IL2RB: variants seen among roughly 807,000 people sequenced by gnomAD.
The protein encoded by IL2RB is interleukin-2 receptor subunit beta.
In IL2RB, 17 loss-of-function variants were observed where a neutral mutation model predicts 44.2. That is an observed-to-expected ratio of 0.38 (90% CI 0.26 to 0.58). The LOEUF (loss-of-function observed/expected upper bound fraction) is 0.58, where lower values mean the gene tolerates loss of function less well. IL2RB is among the 20% of genes least tolerant of loss of function. The pLI is 0.63. For synonymous variants in IL2RB, 286 were observed against 297.9 expected, an observed-to-expected ratio of 0.96 and a Z score of 0.41; for missense variants, 624 against 685.5, an observed-to-expected ratio of 0.91 and a Z score of 1.00.
intron 1 of IL2RB, among the ~76,000 whole-genome samples, chr22:37,172,323 G>A (rs746158948): frequency 1.7e-4 from 26 of 151,664 alleles, no homozygotes; most frequent in South Asian, 4.2e-4. Context: ...CTTGGCGCCC[G>A]CTGTGCTTGG....
At chr22:37,174,560 G>A (rs986918367) in intron 1 of IL2RB, among the ~76,000 whole-genome samples, 10 of 152,088 alleles carry the variant, frequency 6.6e-5, no homozygotes, top group East Asian at 1.9e-4. Context: ...AGAACAAACC[G>A]GTTACGTCAT....
In IL2RB at chr22:37,143,589, G is replaced by A. The variant is rs1236972478; in HGVS notation, c.135C>T (p.Ser45=). 1 of 1,614,172 alleles carries A rather than the reference G, an allele frequency of 6.2e-7. No homozygotes were observed. The highest frequency in any genetic ancestry group is 1.1e-5 in the South Asian group (1 of 91,086). The change falls in exon 3 of 10, where the codon TCC becomes TCT. Residue 45 remains serine (S), a synonymous_variant. Coordinates refer to ENST00000216223, the MANE Select transcript of IL2RB (RefSeq NM_000878.5). Reference sequence around the variant, plus strand: ...GAGCCCCATCTTGGCTCCAGACACAGGAGATGTTGGCTCTCGAGTTGTAGA... The same window carrying A: ...GAGCCCCATCTTGGCTCCAGACACAAGAGATGTTGGCTCTCGAGTTGTAGA... ...TCFYNSRANI[S]CVWSQDGALQ... is the part of the protein sequence containing the mutation.
At chr22:37,166,077 G>A (rs1225987373) in intron 1 of IL2RB, among the ~76,000 whole-genome samples, 1 of 152,202 alleles carries the variant, frequency 6.6e-6, no homozygotes, top group Non-Finnish European at 1.5e-5. Flanking sequence ...ATCCAGCTCA[G>A]CTGATAGCTG....
intron 1 of IL2RB, among the ~76,000 whole-genome samples, chr22:37,170,035 G>A (rs1248972053): frequency 2.1e-5 from 3 of 144,286 alleles, no homozygotes; most frequent in Non-Finnish European, 3.0e-5. Context: ...ATGATGGAGG[G>A]AGAGAAGGAA....
At chr22:37,132,607 G>T in intron 8 of IL2RB, 139 bp from the exon 9 acceptor site, 1 of 647,310 alleles carries the variant, frequency 1.5e-6, no homozygotes. Flanking sequence ...GATACTAAGT[G>T]TTCACTGTGG....
chr22:37,135,933 G>A (rs1285039333), intron 7 of IL2RB, among the ~76,000 whole-genome samples: 1 of 152,198 alleles, frequency 6.6e-6, no homozygotes, highest in African/African-American at 2.4e-5. Context: ...CAGGCCGAGA[G>A]GTGAAAGCAG....
intron 4 of IL2RB, among the ~76,000 whole-genome samples, chr22:37,140,796 C>T (rs370611270): frequency 4.6e-5 from 7 of 152,146 alleles, no homozygotes; most frequent in Non-Finnish European, 1.0e-4. Context: ...AAGAGGCAGC[C>T]TAATGCAACG....
At chr22:37,154,701 G>A (rs937070120), upstream of IL2RB, among the ~76,000 whole-genome samples, 1 of 151,564 alleles carries the variant, frequency 6.6e-6, no homozygotes, top group East Asian at 1.9e-4. Flanking sequence ...TCAGCTTCCC[G>A]AGTAGCTGGG....
upstream of IL2RB, chr22:37,149,963 C>A (rs1569049499): frequency 1.0e-6 from 1 of 968,590 alleles, no homozygotes; most frequent in African/African-American, 1.8e-5. Flanking sequence ...AGCCCACTTC[C>A]TGTGCAGAGG....
intron 1 of IL2RB, among the ~76,000 whole-genome samples, chr22:37,167,229 C>CT (rs1923114017): frequency 6.6e-6 from 1 of 152,128 alleles, no homozygotes. Flanking sequence ...TCCTGTATCC[C>CT]TTTCCTCGGC....
intron 1 of IL2RB, among the ~76,000 whole-genome samples, chr22:37,160,065 C>G (rs1475028045): frequency 6.6e-6 from 1 of 152,244 alleles, no homozygotes; most frequent in Admixed American, 6.5e-5. Context: ...GGACAATCAA[C>G]AGTTAGCTAA....
At position 37,128,262 on chromosome 22, in the gene IL2RB, C is replaced by G. The variant is rs1331282886; in HGVS notation, c.1490G>C (p.Gly497Ala). ...GGGGCCAGCGTCAGGGACCTCCTCC[C>G]CAGCCTCTCGCAGCACCAGCTCAGG... ...PPPELVLREA[G>A]EEVPDAGPRE... is the part of the protein sequence containing the mutation. The change falls in exon 10 of 10, where the codon GGG becomes GCG. Residue 497 changes from glycine to alanine, a missense_variant. By Grantham distance (60) the Gly-to-Ala change is moderately conservative. Around this residue, in one of 3 missense-constraint regions of IL2RB, gnomAD observed 291 missense variants for 275.5 expected, o/e 1.06. Transcript: ENST00000216223. The surrounding 1 kb of genome is among the most constrained non-coding windows in gnomAD (Gnocchi z 4.5). The G allele has an allele frequency of 1.3e-6, 2 of 1,498,364 alleles. No individual in the cohort carries two copies. Among genetic ancestry groups the G allele is most frequent in the Admixed American group, 4.8e-5 (2 of 41,628 alleles). 92.8% of individuals were successfully genotyped at this position (1,498,364 alleles called of 1,614,324 possible). A position where few individuals can be genotyped will look rare whatever the true frequency, so the allele number is the denominator to read the frequency against.
At chr22:37,165,775 C>T (rs1020234215) in intron 1 of IL2RB, among the ~76,000 whole-genome samples, 1 of 152,010 alleles carries the variant, frequency 6.6e-6, no homozygotes, top group African/African-American at 2.4e-5. Context: ...CTACCCAGGG[C>T]AAGTGCCAGA....
At position 37,136,389 on chromosome 22, in the gene IL2RB, G is replaced by C. The variant is rs558286731; in HGVS notation, c.542C>G (p.Ala181Gly). 5 of 1,608,118 alleles carry C rather than the reference G, an allele frequency of 3.1e-6. No individual in the cohort carries two copies. In the South Asian group the frequency reaches 5.6e-5, roughly 18 times the overall value. ...CTTCTGCTTGAGAGTCAGCAGGGGG[G>C]CCTCCTGGGTCGGAGACAGGACTGT... Reference protein sequence around the residue: ...TLSPGHTWEEAPLLTLKQKQE... With the variant: ...TLSPGHTWEEGPLLTLKQKQE... Residue 181 changes from alanine (A) to glycine (G), a missense_variant, in exon 7 of 10, where the codon GCC becomes GGC. Around this residue, in one of 3 missense-constraint regions of IL2RB, gnomAD observed 255 missense variants for 339.9 expected, o/e 0.75. Coordinates refer to ENST00000216223, the MANE Select transcript of IL2RB (RefSeq NM_000878.5).
chr22:37,139,008 G>A (rs1028488133), intron 5 of IL2RB, 109 bp downstream of exon 5: 3 of 712,596 alleles, frequency 4.2e-6, no homozygotes, highest in Non-Finnish European at 7.5e-6. Flanking sequence ...ATCAGATGTG[G>A]GTGTGGAAGC....
chr22:37,140,860 C>A (rs550638184), intron 4 of IL2RB, among the ~76,000 whole-genome samples: 1 of 152,166 alleles, frequency 6.6e-6, no homozygotes, highest in Non-Finnish European at 1.5e-5. Context: ...CAGCTGTGTA[C>A]TTCCTGGCTG....
intron 1 of IL2RB, among the ~76,000 whole-genome samples, chr22:37,174,675 G>A (rs1482405932): frequency 2.0e-5 from 3 of 152,148 alleles, no homozygotes; most frequent in African/African-American, 4.8e-5. Context: ...TTTGAACGCT[G>A]TTCTCCCACC....
At chr22:37,159,965 C>T (rs555484526) in intron 1 of IL2RB, among the ~76,000 whole-genome samples, 1 of 152,378 alleles carries the variant, frequency 6.6e-6, no homozygotes, top group South Asian at 2.1e-4. Context: ...AAACATGATT[C>T]TCTTGATATC....
rs749145265 is a variant in IL2RB, at chr22:37,127,907, G to A, written c.*189C>T. 151 of 425,174 alleles carry A rather than the reference G, an allele frequency of 3.6e-4. No individual in the cohort carries two copies. Among genetic ancestry groups the A allele is most frequent in the Non-Finnish European group, 5.5e-4 (134 of 244,966 alleles). The allele number at this position is 425,174 out of a possible 1,614,324, so 26.3% of individuals were successfully genotyped here. A position where few individuals can be genotyped will look rare whatever the true frequency, so the allele number is the denominator to read the frequency against. On this transcript the variant is annotated 3_prime_UTR_variant, in exon 10 of 10. Coordinates refer to ENST00000216223, the MANE Select transcript of IL2RB (RefSeq NM_000878.5). ...TCCTGGCTCGGGCAGCAGGACCCGG[G>A]AGCAGCAGTGGAGGTTTGGAAATGG...
Sources: allele counts gnomAD v4.1 joint callset (sites outside exome capture counted in the v4.1 genomes callset), GRCh38; gene constraint gnomAD v4.1.1; regional missense constraint gnomAD v4.1.1; non-coding constraint Gnocchi (gnomAD v3.1); transcripts MANE v1.5; gene names NCBI Gene and HGNC (gene_info 2026-07-23, HGNC 2026-07-21).